GLIS3: variants seen among roughly 807,000 people sequenced by gnomAD.
GLIS3 encodes zinc finger protein GLIS3.
A neutral mutation model predicts 78.6 loss-of-function variants in GLIS3; 53 were observed. The ratio of observed to expected loss-of-function variants is 0.67; its 90% CI spans 0.54 to 0.85. The LOEUF is 0.85. Ranked by LOEUF, GLIS3 falls within the 40% of genes least tolerant of loss-of-function variation. GLIS3 has a pLI of 0.00. For missense variants in GLIS3, 1,703 were observed against 1,231.1 expected, an observed-to-expected ratio of 1.38 and a Z score of -5.74; for synonymous variants, 684 against 509.9, an observed-to-expected ratio of 1.34 and a Z score of -4.60.
chr9:4,465,474 G>A, the GLIS3 span, among the ~76,000 whole-genome samples: 3 of 152,162 alleles, frequency 2.0e-5, no homozygotes, highest in African/African-American at 7.2e-5. Context: ...TCTTGAACCC[G>A]GAAGACAGAG....
rs1554644807 is a variant in GLIS3, at chr9:3,908,714, T to TTG, written c.1984-9880_1984-9879insCA. Among the ~76,000 whole-genome samples, 20 of 141,456 alleles carry TTG rather than the reference T, an allele frequency of 1.4e-4. 1 individual carries two copies. Among genetic ancestry groups the TTG allele is most frequent in the Non-Finnish European group, 2.3e-4 (15 of 65,800 alleles). 92.8% of individuals were successfully genotyped at this position (141,456 alleles called of 152,430 possible). On this transcript the variant is annotated intron_variant, in intron 6 of 10. Transcript: ENST00000381971. ...AATTGTGATTTGTATTTGTTTTTTTTTTTTTTTTTTTTTTGTACAGGATTA... is the reference window on the plus strand; with the variant it reads ...AATTGTGATTTGTATTTGTTTTTTTTTGTTTTTTTTTTTTTTGTACAGGATTA...
the GLIS3 span, among the ~76,000 whole-genome samples, chr9:4,474,605 C>A: frequency 6.6e-6 from 1 of 151,766 alleles, no homozygotes; most frequent in African/African-American, 2.4e-5. Context: ...GCTTCTAGAA[C>A]AAAACATATA....
chr9:3,879,937 CAG>C (rs1410381033), intron 7 of GLIS3, among the ~76,000 whole-genome samples: 1 of 152,084 alleles, frequency 6.6e-6, no homozygotes, highest in South Asian at 2.1e-4. Flanking sequence ...TTTTCAGTCA[CAG>C]GGGATGAGAG....
intron 8 of GLIS3, among the ~76,000 whole-genome samples, chr9:3,856,499 CT>C (rs879930445): frequency 2.0e-5 from 3 of 152,160 alleles, no homozygotes; most frequent in Admixed American, 2.0e-4. Flanking sequence ...CAAAGTACAT[CT>C]TTTGCCAAGC....
intron 4 of GLIS3, among the ~76,000 whole-genome samples, chr9:4,001,785 C>G (rs957838479): frequency 6.6e-6 from 1 of 152,160 alleles, no homozygotes; most frequent in Non-Finnish European, 1.5e-5. Flanking sequence ...AAATACAGGA[C>G]AGCAAGTAAT....
intron 2 of GLIS3, among the ~76,000 whole-genome samples, chr9:4,240,122 C>T (rs1031840591): frequency 6.7e-6 from 1 of 148,926 alleles, no homozygotes; most frequent in Non-Finnish European, 1.5e-5. Context: ...CCATCTAAAG[C>T]AGCGGTCTCC....
At chr9:4,190,966 T>C (rs984825181) in intron 2 of GLIS3, among the ~76,000 whole-genome samples, 1 of 151,946 alleles carries the variant, frequency 6.6e-6, no homozygotes, top group Non-Finnish European at 1.5e-5. Context: ...TAAAATACTT[T>C]ACAGACAAGC....
At chr9:3,840,507 G>T (rs1362525570) in intron 9 of GLIS3, among the ~76,000 whole-genome samples, 1 of 152,160 alleles carries the variant, frequency 6.6e-6, no homozygotes, top group African/African-American at 2.4e-5. Flanking sequence ...AGATTTTTCT[G>T]CGGGCTGAGA....
chr9:4,106,412 C>T (rs911276908), intron 4 of GLIS3, among the ~76,000 whole-genome samples: 1 of 152,164 alleles, frequency 6.6e-6, no homozygotes, highest in East Asian at 1.9e-4. Context: ...CGGTAGAACA[C>T]TGAGACAGGC....
the GLIS3 span, among the ~76,000 whole-genome samples, chr9:4,383,014 G>C: frequency 6.6e-6 from 1 of 152,182 alleles, no homozygotes; most frequent in Admixed American, 6.5e-5. Context: ...TTTCCTAAAA[G>C]GAAGTTGCAG....
chr9:4,191,176 C>A (rs1472906324), intron 2 of GLIS3, among the ~76,000 whole-genome samples: 2 of 150,466 alleles, frequency 1.3e-5, no homozygotes, highest in East Asian at 3.9e-4. Context: ...CAAATTCACA[C>A]ATAACAATAT....
At chr9:4,061,149 T>C (rs1373510148) in intron 4 of GLIS3, among the ~76,000 whole-genome samples, 1 of 152,026 alleles carries the variant, frequency 6.6e-6, no homozygotes, top group African/African-American at 2.4e-5. Flanking sequence ...ATGTGCCATG[T>C]TGGTGTGCTG....
chr9:4,282,524 A>G (rs1827652066), intron 2 of GLIS3, among the ~76,000 whole-genome samples: 1 of 152,038 alleles, frequency 6.6e-6, no homozygotes, highest in Non-Finnish European at 1.5e-5. Context: ...CCTTGCCTTT[A>G]ACTTCAAACT....
chr9:4,423,544 C>G, the GLIS3 span, among the ~76,000 whole-genome samples: 4 of 152,194 alleles, frequency 2.6e-5, no homozygotes, highest in South Asian at 8.3e-4. Context: ...TCACTTATAC[C>G]TTATTAAAAC....
At chr9:4,386,221 G>A in the GLIS3 span, among the ~76,000 whole-genome samples, 2 of 152,120 alleles carry the variant, frequency 1.3e-5, no homozygotes, top group Admixed American at 1.3e-4. Flanking sequence ...AGGAGCTTTG[G>A]TTACTAAGCT....
chr9:4,102,505 A>G (rs1193877848), intron 4 of GLIS3, among the ~76,000 whole-genome samples: 2 of 152,176 alleles, frequency 1.3e-5, no homozygotes, highest in Non-Finnish European at 2.9e-5. Flanking sequence ...GCCTGAAGAC[A>G]TGTTTGTCAC....
chr9:4,409,382 G>A, the GLIS3 span, among the ~76,000 whole-genome samples: 2 of 152,054 alleles, frequency 1.3e-5, no homozygotes, highest in Admixed American at 6.6e-5. Flanking sequence ...TTTTTACTTA[G>A]GGATGTAGAT....
At chr9:3,878,810 AGGAGAT>A (rs1386819227) in intron 8 of GLIS3, 1 of 157,336 alleles carries the variant, frequency 6.4e-6, no homozygotes, top group African/African-American at 2.4e-5. Flanking sequence ...AAAAAGGGGA[AGGAGAT>A]GGAGAAGCAA....
the GLIS3 span, among the ~76,000 whole-genome samples, chr9:4,362,920 G>A: frequency 6.6e-6 from 1 of 152,090 alleles, no homozygotes; most frequent in African/African-American, 2.4e-5. Context: ...AGGGAGGAAG[G>A]AGAGAGATGA....
Sources: allele counts gnomAD v4.1 joint callset (sites outside exome capture counted in the v4.1 genomes callset), GRCh38; gene constraint gnomAD v4.1.1; transcripts MANE v1.5; gene names NCBI Gene and HGNC (gene_info 2026-07-23, HGNC 2026-07-21).